The following ZNF850 variants were observed in gnomAD, a reference collection of about 807,000 sequenced individuals.
ZNF850 encodes the protein putative zinc finger protein ENSP00000330994.
ZNF850 carries 2 observed loss-of-function variants against 11.9 expected under a neutral mutation model. The ratio of observed to expected loss-of-function variants is 0.17; its 90% CI spans 0.07 to 0.53. The LOEUF is 0.53. Among genes scored for constraint, ZNF850 ranks in the 20% least tolerant of loss-of-function variants. The pLI is 0.94. For missense variants in ZNF850, 1,014 were observed against 1,316.4 expected, an observed-to-expected ratio of 0.77 and a Z score of 3.55; for synonymous variants, 381 against 443.0, an observed-to-expected ratio of 0.86 and a Z score of 1.76.
chr19:36,754,482 C>A (rs1261669497), intron 4 of ZNF850, among the ~76,000 whole-genome samples: 6 of 152,070 alleles, frequency 3.9e-5, no homozygotes, highest in Non-Finnish European at 7.4e-5. Flanking sequence ...GTAAAATAAA[C>A]TCTAAATATG....
rs751877543 is a variant in ZNF850 at position 36,750,299 on chromosome 19, A to G, written c.741T>C (p.Tyr247=). 1 of 1,536,744 alleles carries G rather than the reference A, an allele frequency of 6.5e-7. No individual in the cohort carries two copies. The highest frequency in any genetic ancestry group is 1.2e-5 in the South Asian group (1 of 84,066). ...GACACTCATGAGGTCTCTCATCTGT[A>G]TACATTTTCTGGTGTTGAATAAGAT... The part of the protein sequence containing the change: ...GSHLIQHQKM[Y]TDERPHECQE... The change falls in exon 5 of 5, where the codon TAT becomes TAC. Residue 247 remains tyrosine (Y), a synonymous_variant. Coordinates refer to ENST00000591344, the MANE Select transcript of ZNF850 (RefSeq NM_001193552.2).
intron 1 of ZNF850, among the ~76,000 whole-genome samples, chr19:36,765,836 G>C (rs561906407): frequency 6.6e-6 from 1 of 151,486 alleles, no homozygotes; most frequent in African/African-American, 2.4e-5. Context: ...GGCCCTCCTC[G>C]GCCTCCCAAA....
chr19:36,766,963 G>A (rs1236974621), intron 1 of ZNF850, among the ~76,000 whole-genome samples: 4 of 152,034 alleles, frequency 2.6e-5, no homozygotes, highest in East Asian at 1.9e-4. Flanking sequence ...AAGGCCAGGC[G>A]CAGTGGCTCA....
Position 36,760,777 on chromosome 19 carries a change from A to G in ZNF850, c.235+866T>C, listed in dbSNP as rs75569022. Reference sequence around the variant, plus strand: ...CTACTCAAGAGGCTGAGGCAGGAGAATTACTTGAACCCGGGAAGTGGAGGT... The same window carrying G: ...CTACTCAAGAGGCTGAGGCAGGAGAGTTACTTGAACCCGGGAAGTGGAGGT... On this transcript the variant is annotated intron_variant, in intron 4 of 4. Transcript: ENST00000591344. Among the ~76,000 whole-genome samples, 819 of 151,866 alleles carry G rather than the reference A, an allele frequency of 5.4e-3. 21 individuals are homozygous for G. Among genetic ancestry groups the G allele is most frequent in the Admixed American group, 0.037 (557 of 15,250 alleles).
At position 36,743,509 on chromosome 19, in the gene ZNF850, AAAT is replaced by A. The variant is rs1177549006; in HGVS notation, c.*4255_*4257del. Reference sequence around the variant, plus strand: ...GGAATAGGCAAATACTTTTATTTACAAATAATACCAACATCTCTTTAGACAATT... The same window carrying A: ...GGAATAGGCAAATACTTTTATTTACAAATACCAACATCTCTTTAGACAATT... On this transcript the variant is annotated 3_prime_UTR_variant, in exon 5 of 5. Transcript: ENST00000591344. The A allele has an allele frequency of 1.3e-5, 2 of 152,310 alleles. No homozygotes were observed. The highest frequency in any genetic ancestry group is 3.9e-4 in the East Asian group (2 of 5,190). 9.4% of individuals were successfully genotyped at this position (152,310 alleles called of 1,614,324 possible).
At position 36,745,667 on chromosome 19, in the gene ZNF850, A is replaced by C. The variant is rs1445982922; in HGVS notation, c.*2100T>G. On this transcript the variant is annotated 3_prime_UTR_variant, in exon 5 of 5. Coordinates refer to ENST00000591344, the MANE Select transcript of ZNF850 (RefSeq NM_001193552.2). ...CACTCCAGCCTGGGCAACAAGAGCA[A>C]AACTCCATCTCAAAAAAAAAAAAAA... is the stretch of plus-strand genomic sequence containing the variant. 3.7e-5 allele frequency: 5 copies of C among 136,642 alleles called. No individual in the cohort carries two copies. The highest frequency in any genetic ancestry group is 1.1e-4 in the African/African-American group (4 of 35,558). The allele number at this position is 136,642 out of a possible 1,614,324, so 8.5% of individuals were successfully genotyped here.
rs1347861409 is a variant in ZNF850 at position 36,748,494 on chromosome 19, G to C, written c.2546C>G (p.Ser849Cys). The C allele has an allele frequency of 5.8e-6, 9 of 1,540,138 alleles. No homozygotes were observed. The highest frequency in any genetic ancestry group is 7.0e-6 in the Non-Finnish European group (8 of 1,147,794). The change falls in exon 5 of 5, where the codon TCT (serine) becomes TGT (cysteine). Residue 849 changes from serine to cysteine, a missense_variant. Physicochemically the swap from Ser to Cys is moderately radical, Grantham distance 112 (BLOSUM62 -1). Transcript: ENST00000591344. ...KRYSCKECGK[S>C]FTSRSTLIEH... ...AATTAGTGTTGAGCGAGAAGTAAAA[G>C]ATTTCCCACATTCTTTACAACTGTA...
At chr19:36,757,999 T>C (rs1453842680) in intron 4 of ZNF850, among the ~76,000 whole-genome samples, 3 of 152,166 alleles carry the variant, frequency 2.0e-5, no homozygotes, top group Non-Finnish European at 2.9e-5. Context: ...AAAGTGAATT[T>C]TTCATTTTAA....
chr19:36,763,093 T>C (rs1351396518), intron 1 of ZNF850, among the ~76,000 whole-genome samples: 5 of 151,896 alleles, frequency 3.3e-5, no homozygotes, highest in African/African-American at 4.8e-5. Flanking sequence ...GGTTTTGCCA[T>C]TTGGTCAGGC....
Position 36,750,323 on chromosome 19 carries a change from A to T in ZNF850, c.717T>A (p.His239Gln). ...TATACATTTTCTGGTGTTGAATAAG[A>T]TGTGAGCCAGAAATAAAAGCTTTTC... ...EYGKAFISGS[H>Q]LIQHQKMYTD... Residue 239 changes from histidine to glutamine, a missense_variant, in exon 5 of 5, where the codon CAT becomes CAA. This residue lies in a region of ZNF850 where 835 missense variants were observed against 1,022.0 expected (regional missense o/e 0.82). Transcript: ENST00000591344. 1 of 1,536,548 alleles carries T rather than the reference A, an allele frequency of 6.5e-7. No homozygotes were observed. Among genetic ancestry groups the T allele is most frequent in the Non-Finnish European group, 8.7e-7 (1 of 1,146,904 alleles).
Position 36,750,220 on chromosome 19 carries a change from T to C in ZNF850, c.820A>G (p.Ile274Val), listed in dbSNP as rs1246981592. The C allele has an allele frequency of 2.6e-6, 4 of 1,538,712 alleles. No homozygotes were observed. Among genetic ancestry groups the C allele is most frequent in the South Asian group, 1.2e-5 (1 of 84,068 alleles). ...TCATAAGGTTTGTCACCAGTATGAATTCTCCAATGTTGAATAAGATGTGCA... is the reference window on the plus strand; with the variant it reads ...TCATAAGGTTTGTCACCAGTATGAACTCTCCAATGTTGAATAAGATGTGCA... Reference protein sequence around the residue: ...PSAHLIQHWRIHTGDKPYECK... With the variant: ...PSAHLIQHWRVHTGDKPYECK... The change falls in exon 5 of 5, where the codon ATT becomes GTT. Residue 274 changes from isoleucine (I) to valine (V), a missense_variant. Physicochemically the swap from Ile to Val is conservative, Grantham distance 29. Transcript: ENST00000591344.
In ZNF850 at chr19:36,744,749, A is replaced by G. The variant is rs928005513; in HGVS notation, c.*3018T>C. The G allele has an allele frequency of 2.0e-5, 3 of 152,226 alleles. No homozygotes were observed. Among genetic ancestry groups the G allele is most frequent in the Non-Finnish European group, 2.9e-5 (2 of 68,038 alleles). 9.4% of individuals were successfully genotyped at this position (152,226 alleles called of 1,614,324 possible). A position where few individuals can be genotyped will look rare whatever the true frequency, so the allele number is the denominator to read the frequency against. On this transcript the variant is annotated 3_prime_UTR_variant, in exon 5 of 5. Coordinates refer to ENST00000591344, the MANE Select transcript of ZNF850 (RefSeq NM_001193552.2). ...AAACATGGAGAATAATAAATGACAG[A>G]GTAAGAATTTGAGAACAAACATTTG...
intron 1 of ZNF850, among the ~76,000 whole-genome samples, chr19:36,768,582 T>C (rs2040562078): frequency 6.6e-6 from 1 of 152,192 alleles, no homozygotes; most frequent in Admixed American, 6.6e-5. Context: ...CTCAAGTATA[T>C]TGTAATCTCT....
At chr19:36,770,703 CAAAAA>C (rs567709722) in intron 1 of ZNF850, among the ~76,000 whole-genome samples, 57 of 66,522 alleles carry the variant, frequency 8.6e-4, no homozygotes, top group Non-Finnish European at 1.4e-3. Flanking sequence ...GAGACTCCAT[CAAAAA>C]AAAAAAAAAA....
At chr19:36,769,261 C>CAAA (rs74174432) in intron 1 of ZNF850, among the ~76,000 whole-genome samples, 6 of 51,274 alleles carry the variant, frequency 1.2e-4, no homozygotes, top group African/African-American at 2.7e-4. Context: ...AAGACTGTCT[C>CAAA]AAAAAAAAAA....
chr19:36,751,404 G>C (rs1398438985), intron 4 of ZNF850, among the ~76,000 whole-genome samples: 8 of 151,922 alleles, frequency 5.3e-5, no homozygotes, highest in Non-Finnish European at 4.4e-5. Flanking sequence ...AAGGACATTA[G>C]GTAAAAGCTA....
At chr19:36,767,900 C>T (rs535648286) in intron 1 of ZNF850, among the ~76,000 whole-genome samples, 1 of 152,124 alleles carries the variant, frequency 6.6e-6, no homozygotes, top group East Asian at 1.9e-4. Context: ...ATAACACCAA[C>T]GTGTTTTTAA....
rs549249274 is a variant in ZNF850, at chr19:36,752,618, T to C, written c.236-1814A>G. 5.9e-5 allele frequency among the ~76,000 whole-genome samples: 9 copies of C among 152,180 alleles called. No individual in the cohort carries two copies. The East Asian group carries it at 1.7e-3, about 29-fold the overall frequency. On this transcript the variant is annotated intron_variant, in intron 4 of 4. Coordinates refer to ENST00000591344, the MANE Select transcript of ZNF850 (RefSeq NM_001193552.2). Reference sequence around the variant, plus strand: ...AAACAACCAGATATGTGCTTCTTGATGAAATACACAATACTAATATCACAT... The same window carrying C: ...AAACAACCAGATATGTGCTTCTTGACGAAATACACAATACTAATATCACAT...
Position 36,766,442 on chromosome 19 carries a change from C to T in ZNF850, c.-69-3767G>A, listed in dbSNP as rs182779961. The stretch of plus-strand genomic sequence containing the variant: ...ATACACAGAACAATACAGATGTGAC[C>T]GCAGTACACATATAATTTTGTATTC... On this transcript the variant is annotated intron_variant, in intron 1 of 4. Coordinates refer to ENST00000591344, the MANE Select transcript of ZNF850 (RefSeq NM_001193552.2). 9.3e-4 allele frequency among the ~76,000 whole-genome samples: 141 copies of T among 152,250 alleles called. 1 individual carries two copies. The highest frequency in any genetic ancestry group is 3.2e-3 in the African/African-American group (131 of 41,554).
Sources: gnomAD v4.1 joint callset for allele counts (sites outside exome capture counted in the v4.1 genomes callset) on GRCh38, gnomAD v4.1.1 for gene constraint, gnomAD v4.1.1 regional missense constraint, MANE v1.5 for transcripts, NCBI Gene and HGNC (gene_info 2026-07-23, HGNC 2026-07-21) for gene names.